The following TRRAP variants were observed in gnomAD, a reference collection of about 807,000 sequenced individuals.
The protein encoded by TRRAP is transformation/transcription domain associated protein.
TRRAP carries 41 observed loss-of-function variants against 438.8 expected under a neutral mutation model. The ratio of observed to expected loss-of-function variants is 0.09; its 90% CI spans 0.07 to 0.12. The LOEUF is 0.12. Among genes scored for constraint, TRRAP ranks in the 10% least tolerant of loss-of-function variants. The pLI, the probability that TRRAP is intolerant of heterozygous loss-of-function variation, is 1.00. For synonymous variants in TRRAP, 1,994 were observed against 1,962.9 expected (o/e 1.02, Z -0.42); for missense variants, 3,122 against 5,055.1 (o/e 0.62, Z 11.60).
chr7:98,956,399 C>T lies in TRRAP; in HGVS notation c.6097C>T (p.Pro2033Ser). ...AACCAAGCGCCTGTGTGTTTTTAAG[C>T]CGGATTCAGATATGGACCCAAATTC... ...WELQRIKDQQ[P>S]DSDMDPNSSG... is the part of the protein sequence containing the mutation. The change falls in exon 43 of 73, where the codon CCG (proline) becomes TCG (serine). Residue 2033 changes from proline to serine, a missense_variant and splice_region_variant. This residue lies in a region of TRRAP where 992 missense variants were observed against 1,281.2 expected (regional missense o/e 0.77). Coordinates refer to ENST00000456197, the MANE Select transcript of TRRAP (RefSeq NM_001375524.1). The surrounding 1 kb of genome is among the most constrained non-coding windows in gnomAD (Gnocchi z 4.5). 1 of 1,613,600 alleles carries T rather than the reference C, an allele frequency of 6.2e-7. No homozygotes were observed.
chr7:98,980,375 A>C (rs1407392124), intron 58 of TRRAP, among the ~76,000 whole-genome samples: 1 of 133,008 alleles, frequency 7.5e-6, no homozygotes, highest in Non-Finnish European at 1.5e-5. Flanking sequence ...ATGTCCTTCC[A>C]TCTTTCTAAT....
intron 70 of TRRAP, among the ~76,000 whole-genome samples, chr7:99,010,794 A>G (rs912588484): frequency 6.6e-6 from 1 of 152,142 alleles, no homozygotes; most frequent in Non-Finnish European, 1.5e-5. Context: ...CAGGTATCGC[A>G]TATTAGGTAA....
intron 3 of TRRAP, among the ~76,000 whole-genome samples, chr7:98,886,770 G>C (rs10953276): frequency 0.7 from 106,298 of 152,082 alleles, 41,610 homozygotes; most frequent in South Asian, 0.88. Context: ...TTATTAAATG[G>C]GCCATCTTTC....
At chr7:98,990,290 T>C (rs1463284716) in intron 63 of TRRAP, among the ~76,000 whole-genome samples, 165 bp from the exon 64 acceptor site, 1 of 152,230 alleles carries the variant, frequency 6.6e-6, no homozygotes, top group African/African-American at 2.4e-5. Context: ...TTATATACTG[T>C]AAGATTTACA....
At chr7:98,959,941 AAAAAAAAAAAAAAG>A (rs1791806718) in intron 45 of TRRAP, among the ~76,000 whole-genome samples, 1 of 149,238 alleles carries the variant, frequency 6.7e-6, no homozygotes, top group African/African-American at 2.5e-5. Context: ...TCTCTTAAAA[AAAAAAAAAAAAAAG>A]AAAAAGAAAA....
At chr7:98,969,971 C>T (rs1189918294) in intron 51 of TRRAP, 141 bp from the exon 52 acceptor site, 3 of 946,400 alleles carry the variant, frequency 3.2e-6, no homozygotes, top group Non-Finnish European at 1.6e-6. Context: ...TGGTTGGGGA[C>T]AGGTGGGAAA....
intron 30 of TRRAP, 33 bp downstream of exon 30, chr7:98,937,853 A>G (rs1554414620): frequency 7.0e-6 from 11 of 1,566,932 alleles, no homozygotes; most frequent in Non-Finnish European, 9.5e-6. Flanking sequence ...CTCTGTAACA[A>G]ACTTTCAAAA....
Position 98,983,256 on chromosome 7 carries a change from C to T in TRRAP, c.8827-8C>T, listed in dbSNP as rs1793012735. ...TTACCGCAGAGTCTCTTATGCTGGT[C>T]CCATCAGGCAGCCCAGCAAATCATC... is the stretch of plus-strand genomic sequence containing the variant. On this transcript the variant is annotated splice_region_variant and splice_polypyrimidine_tract_variant and intron_variant, in intron 59 of 72. Transcript: ENST00000456197. 6.2e-7 allele frequency: 1 copy of T among 1,607,862 alleles called. No individual in the cohort carries two copies. The highest frequency in any genetic ancestry group is 1.1e-5 in the South Asian group (1 of 90,266).
rs544052189 is a variant in TRRAP at position 98,907,348 on chromosome 7, G to T, written c.1115+1093G>T. On this transcript the variant is annotated intron_variant, in intron 13 of 72. Transcript: ENST00000456197. ...CAAAAAAAAAAAAGTAGTGATAATGGTTACTATTTCTAAAGCAGAAAATTA... is the reference window on the plus strand; with the variant it reads ...CAAAAAAAAAAAAGTAGTGATAATGTTTACTATTTCTAAAGCAGAAAATTA... Among the ~76,000 whole-genome samples the T allele has an allele frequency of 6.6e-5, 10 of 152,066 alleles. No homozygotes were observed. The South Asian group carries it at 1.5e-3, about 22-fold the overall frequency.
intron 11 of TRRAP, among the ~76,000 whole-genome samples, chr7:98,902,103 C>T (rs1796497549): frequency 6.6e-6 from 1 of 152,198 alleles, no homozygotes; most frequent in Admixed American, 6.5e-5. Context: ...CAACTATGCA[C>T]ATTTACATGC....
At chr7:98,959,936 T>TGG (rs1483906654) in intron 45 of TRRAP, among the ~76,000 whole-genome samples, 1 of 112,710 alleles carries the variant, frequency 8.9e-6, no homozygotes, top group African/African-American at 3.8e-5. Flanking sequence ...CCTGGTCTCT[T>TGG]AAAAAAAAAA....
At chr7:98,881,860 C>A in intron 2 of TRRAP, 115 bp from the exon 3 acceptor site, 1 of 1,141,406 alleles carries the variant, frequency 8.8e-7, no homozygotes. Context: ...TAGGCCATGA[C>A]AGTCAAACTG....
Position 98,915,812 on chromosome 7 carries a change from G to A in TRRAP, c.2289G>A (p.Leu763=), listed in dbSNP as rs782679664. 1 of 1,614,200 alleles carries A rather than the reference G, an allele frequency of 6.2e-7. No homozygotes were observed. Among genetic ancestry groups the A allele is most frequent in the Non-Finnish European group, 8.5e-7 (1 of 1,180,044 alleles). The change falls in exon 19 of 73, where the codon CTG becomes CTA. Residue 763 remains leucine, a synonymous_variant. Transcript: ENST00000456197. ...PYNYFLLLRA[L]FRSIGGGSHD... is the part of the protein sequence containing the mutation. Reference sequence around the variant, plus strand: ...ACTACTTCTTGCTGCTACGGGCGCTGTTTCGCTCTATTGGTGGAGGTAGCC... The same window carrying A: ...ACTACTTCTTGCTGCTACGGGCGCTATTTCGCTCTATTGGTGGAGGTAGCC...
At chr7:98,907,444 G>A (rs1480345230) in intron 13 of TRRAP, among the ~76,000 whole-genome samples, 2 of 152,130 alleles carry the variant, frequency 1.3e-5, no homozygotes, top group Non-Finnish European at 2.9e-5. Flanking sequence ...AGGAAGGCGT[G>A]ATGGATCTTT....
intron 18 of TRRAP, among the ~76,000 whole-genome samples, chr7:98,914,077 A>G (rs1180205248): frequency 1.3e-5 from 2 of 152,108 alleles, no homozygotes; most frequent in African/African-American, 2.4e-5. Flanking sequence ...CAACAACCTT[A>G]ACTTTTGTGT....
At chr7:98,974,028 G>A (rs1024379421) in intron 53 of TRRAP, among the ~76,000 whole-genome samples, 5 of 152,172 alleles carry the variant, frequency 3.3e-5, no homozygotes, top group Admixed American at 6.5e-5. Context: ...AGCCTGCTCT[G>A]TGTCAGGTGA....
intron 62 of TRRAP, among the ~76,000 whole-genome samples, chr7:98,987,072 C>T (rs1158219424): frequency 2.0e-5 from 3 of 152,106 alleles, no homozygotes; most frequent in African/African-American, 7.2e-5. Flanking sequence ...ATCACTTGAG[C>T]CCAGGAGTTT....
intron 16 of TRRAP, 133 bp from the exon 17 acceptor site, chr7:98,910,944 T>A: frequency 1.4e-6 from 1 of 728,642 alleles, no homozygotes. Context: ...ATTTAAAAGG[T>A]TTTGGAGGGG....
chr7:98,996,277 C>A (rs1793659668), intron 67 of TRRAP, among the ~76,000 whole-genome samples: 1 of 152,240 alleles, frequency 6.6e-6, no homozygotes, highest in Non-Finnish European at 1.5e-5. Context: ...ACAGCTGCTT[C>A]TCGTGCTGTC....
Sources: gnomAD v4.1 joint callset for allele counts (sites outside exome capture counted in the v4.1 genomes callset) on GRCh38, gnomAD v4.1.1 for gene constraint, gnomAD v4.1.1 regional missense constraint, Gnocchi (gnomAD v3.1) non-coding constraint, MANE v1.5 for transcripts, NCBI Gene and HGNC (gene_info 2026-07-23, HGNC 2026-07-21) for gene names.